The following PCDHGA10 variants were observed in gnomAD, a reference collection of about 807,000 sequenced individuals.
PCDHGA10 encodes the protein protocadherin gamma-A10.
Under a neutral mutation model 59.5 loss-of-function variants are expected in PCDHGA10, and 42 were observed. That is an observed-to-expected ratio of 0.71 (90% confidence interval 0.55 to 0.91). The LOEUF is 0.91. Ranked by LOEUF, PCDHGA10 falls within the 40% of genes least tolerant of loss-of-function variation. The probability of loss-of-function intolerance (pLI) is 0.00; values close to 1 mark genes in which losing one functional copy is unlikely to be tolerated. For missense variants in PCDHGA10, 1,111 were observed against 1,198.2 expected (o/e 0.93, Z 1.07); for synonymous variants, 511 against 517.2 (o/e 0.99, Z 0.16).
At chr5:141,481,216 G>T (rs2099534005) in intron 1 of PCDHGA10, among the ~76,000 whole-genome samples, 3 of 152,110 alleles carry the variant, frequency 2.0e-5, no homozygotes, top group Admixed American at 6.5e-5. Flanking sequence ...ACATGGTAAG[G>T]TCTCCCAGCC....
rs539719239 is a variant in PCDHGA10, at chr5:141,431,888, G to A, written c.2436+16277G>A. The A allele has an allele frequency of 6.2e-7, 1 of 1,614,200 alleles. No homozygotes were observed. The highest frequency in any genetic ancestry group is 1.7e-5 in the Admixed American group (1 of 60,036). On this transcript the variant is annotated intron_variant, in intron 1 of 3. Coordinates refer to ENST00000398610, the MANE Select transcript of PCDHGA10 (RefSeq NM_018913.3). The surrounding 1 kb of genome is among the most constrained non-coding windows in gnomAD (Gnocchi z 4.8). ...TTTAAATGTAAATGACCAAGATTCT[G>A]AGGAAAACGGACAGGTGATCTGTTT... is the stretch of plus-strand genomic sequence containing the variant.
At chr5:141,496,509 C>A (rs955577717) in intron 2 of PCDHGA10, among the ~76,000 whole-genome samples, 3 of 152,168 alleles carry the variant, frequency 2.0e-5, no homozygotes, top group Non-Finnish European at 4.4e-5. Context: ...GCCACAAGGA[C>A]CCAGGAGCCC....
At chr5:141,479,486 A>T (rs72790065) in intron 1 of PCDHGA10, 21,264 of 152,292 alleles carry the variant, frequency 0.14, 1,529 homozygotes, top group Admixed American at 0.16. Context: ...GGGCAGGACC[A>T]TCAGGTTGCC....
chr5:141,422,973 T>G (rs1157516415), intron 1 of PCDHGA10: 1 of 1,614,102 alleles, frequency 6.2e-7, no homozygotes, highest in Non-Finnish European at 8.5e-7. Flanking sequence ...CGCCCCGCTC[T>G]GCGGAACCTG....
At chr5:141,419,378 G>A in intron 1 of PCDHGA10, 3 of 1,613,710 alleles carry the variant, frequency 1.9e-6, no homozygotes, top group Non-Finnish European at 2.5e-6. Context: ...CTACGTGTCC[G>A]TGAGCGCGCA....
intron 1 of PCDHGA10, among the ~76,000 whole-genome samples, chr5:141,483,993 G>T (rs1307708919): frequency 6.8e-6 from 1 of 147,882 alleles, no homozygotes; most frequent in Non-Finnish European, 1.5e-5. Flanking sequence ...AGGTTGCTGG[G>T]AGGTCTGGAT....
chr5:141,501,381 T>A (rs1261533671), intron 2 of PCDHGA10, among the ~76,000 whole-genome samples: 4 of 151,750 alleles, frequency 2.6e-5, no homozygotes, highest in African/African-American at 9.7e-5. Flanking sequence ...TCTTAAATCC[T>A]AGGTCCTGTC....
In PCDHGA10 at chr5:141,487,678, C is replaced by T. The variant is rs1416406108; in HGVS notation, c.2437-7129C>T. ...ATTCTGATCCAGGCATATGGCTAGG[C>T]CATGTCCTAGAGAGTACTGGCCTCT... On this transcript the variant is annotated intron_variant, in intron 1 of 3. Transcript: ENST00000398610. The surrounding 1 kb of genome is among the most constrained non-coding windows in gnomAD (Gnocchi z 5.0). 6.2e-7 allele frequency: 1 copy of T among 1,609,696 alleles called. No individual in the cohort carries two copies. Among genetic ancestry groups the T allele is most frequent in the South Asian group, 1.1e-5 (1 of 90,230 alleles).
At chr5:141,430,737 A>G in intron 1 of PCDHGA10, 1 of 1,498,286 alleles carries the variant, frequency 6.7e-7, no homozygotes, top group South Asian at 1.4e-5. Flanking sequence ...CAGAATTGAA[A>G]ATAATTCTGG....
intron 1 of PCDHGA10, among the ~76,000 whole-genome samples, chr5:141,443,695 A>G (rs1324985529): frequency 1.3e-5 from 2 of 152,272 alleles, no homozygotes; most frequent in Non-Finnish European, 2.9e-5. Context: ...TTCAAAAATT[A>G]TAGAATAACA....
At chr5:141,419,741 A>G (rs769795920) in intron 1 of PCDHGA10, 1 of 1,613,856 alleles carries the variant, frequency 6.2e-7, no homozygotes. Context: ...CGAGGTGCGC[A>G]TGGTGCGTGC....
chr5:141,463,814 C>T (rs1359662651), intron 1 of PCDHGA10, among the ~76,000 whole-genome samples: 7 of 152,188 alleles, frequency 4.6e-5, no homozygotes, highest in African/African-American at 1.7e-4. Flanking sequence ...GCTTTTATCA[C>T]ACATTTTGAT....
chr5:141,490,279 G>A lies in PCDHGA10; in HGVS notation c.2437-4528G>A, dbSNP rs1344083401. The A allele has an allele frequency of 5.6e-6, 9 of 1,614,228 alleles. No individual in the cohort carries two copies. In the East Asian group the frequency reaches 1.8e-4, roughly 32 times the overall value. On this transcript the variant is annotated intron_variant, in intron 1 of 3. Coordinates refer to ENST00000398610, the MANE Select transcript of PCDHGA10 (RefSeq NM_018913.3). This position sits in a 1 kb window ranked among gnomAD's most constrained non-coding sequence, Gnocchi z 5.4. ...GGATGTGGGGGATGTCAATGACAAT[G>A]CCCCAGAGGTGCTATTGGCCTCTTT...
intron 2 of PCDHGA10, among the ~76,000 whole-genome samples, chr5:141,504,704 A>G (rs965376942): frequency 1.3e-5 from 2 of 151,356 alleles, no homozygotes; most frequent in African/African-American, 4.8e-5. Flanking sequence ...AGGTTCTTCT[A>G]TGGCCGTGGA....
intron 1 of PCDHGA10, chr5:141,478,117 C>G (rs1419172538): frequency 1.3e-5 from 21 of 1,614,058 alleles, no homozygotes; most frequent in Non-Finnish European, 1.7e-5. Context: ...TGTCAGTAAC[C>G]GAGGACTCTC....
At chr5:141,423,250 G>T in intron 1 of PCDHGA10, 1 of 1,613,954 alleles carries the variant, frequency 6.2e-7, no homozygotes, top group Non-Finnish European at 8.5e-7. Context: ...AGTCCTGGCG[G>T]ACCTCGGCAG....
At chr5:141,458,820 C>T (rs2098954225) in intron 1 of PCDHGA10, among the ~76,000 whole-genome samples, 1 of 152,070 alleles carries the variant, frequency 6.6e-6, no homozygotes, top group African/African-American at 2.4e-5. Flanking sequence ...GCAACCTCTG[C>T]CTCCCAGGCT....
chr5:141,490,497 C>T lies in PCDHGA10; in HGVS notation c.2437-4310C>T. 8 of 1,614,196 alleles carry T rather than the reference C, an allele frequency of 5.0e-6. No individual in the cohort carries two copies. Among genetic ancestry groups the T allele is most frequent in the Non-Finnish European group, 6.8e-6 (8 of 1,180,038 alleles). ...CTTTGGACCGGGAGGCCACATCCCACTATATCATCGAGCTGCTGGCCAGCG... is the reference window on the plus strand; with the variant it reads ...CTTTGGACCGGGAGGCCACATCCCATTATATCATCGAGCTGCTGGCCAGCG... On this transcript the variant is annotated intron_variant, in intron 1 of 3. Transcript: ENST00000398610. The surrounding 1 kb of genome is among the most constrained non-coding windows in gnomAD (Gnocchi z 5.4).
In PCDHGA10 at chr5:141,486,184, A is replaced by G. The variant is rs2099625756; in HGVS notation, c.2437-8623A>G. 8 of 1,614,014 alleles carry G rather than the reference A, an allele frequency of 5.0e-6. No homozygotes were observed. Among genetic ancestry groups the G allele is most frequent in the Non-Finnish European group, 6.8e-6 (8 of 1,180,026 alleles). On this transcript the variant is annotated intron_variant, in intron 1 of 3. Transcript: ENST00000398610. This position sits in a 1 kb window ranked among gnomAD's most constrained non-coding sequence, Gnocchi z 5.0. ...CCATGGAGCAACATTGCAGCCTTCG[A>G]GTGGATCTGCTGGACGTAAATGACA...
Sources: allele counts gnomAD v4.1 joint callset (sites outside exome capture counted in the v4.1 genomes callset), GRCh38; gene constraint gnomAD v4.1.1; non-coding constraint Gnocchi (gnomAD v3.1); transcripts MANE v1.5; gene names NCBI Gene and HGNC (gene_info 2026-07-23, HGNC 2026-07-21).